FOXJ3: variants seen among roughly 807,000 people sequenced by gnomAD.
The protein encoded by FOXJ3 is forkhead box protein J3.
FOXJ3 carries 22 observed loss-of-function variants against 76.1 expected under a neutral mutation model. The ratio of observed to expected loss-of-function variants is 0.29; its 90% CI spans 0.21 to 0.41. FOXJ3 has a LOEUF of 0.41. FOXJ3 is among the 10% of genes least tolerant of loss of function. The pLI is 1.00. For missense variants in FOXJ3, 613 were observed against 762.1 expected (o/e 0.80, Z 2.30); for synonymous variants, 269 against 261.2 (o/e 1.03, Z -0.29).
intron 4 of FOXJ3, 135 bp downstream of exon 4, chr1:42,264,980 C>T (rs1651356112): frequency 7.0e-6 from 5 of 719,016 alleles, no homozygotes; most frequent in Admixed American, 4.4e-5. Context: ...AACTCTCTAA[C>T]AAGCTTTAGA....
chr1:42,219,511 A>C (rs1341295022), intron 5 of FOXJ3, among the ~76,000 whole-genome samples: 1 of 152,196 alleles, frequency 6.6e-6, no homozygotes, highest in Non-Finnish European at 1.5e-5. Flanking sequence ...ATTTCCCATA[A>C]ATCTTGTACC....
At chr1:42,231,193 G>A (rs1006564528) in intron 4 of FOXJ3, among the ~76,000 whole-genome samples, 1 of 151,940 alleles carries the variant, frequency 6.6e-6, no homozygotes, top group Non-Finnish European at 1.5e-5. Flanking sequence ...GGGCATGATG[G>A]CAGGTGCCTG....
At chr1:42,190,397 C>A (rs997415829) in intron 9 of FOXJ3, among the ~76,000 whole-genome samples, 3 of 152,144 alleles carry the variant, frequency 2.0e-5, no homozygotes, top group African/African-American at 4.8e-5. Context: ...AATAAACAAT[C>A]AACTAGAGAC....
At chr1:42,323,198 G>A (rs1413077219) in intron 1 of FOXJ3, among the ~76,000 whole-genome samples, 1 of 152,126 alleles carries the variant, frequency 6.6e-6, no homozygotes, top group African/African-American at 2.4e-5. Flanking sequence ...AGGATTTCAA[G>A]AGTTGTTAAT....
intron 1 of FOXJ3, among the ~76,000 whole-genome samples, chr1:42,318,822 T>TA (rs1381343700): frequency 6.6e-6 from 1 of 152,200 alleles, no homozygotes; most frequent in Non-Finnish European, 1.5e-5. Flanking sequence ...ATCAAAAAGT[T>TA]AGACATAAGA....
Position 42,316,333 on chromosome 1 carries a change from C to CTTTTTTT in FOXJ3, c.-17-5230_-17-5224dup, listed in dbSNP as rs71065173. Among the ~76,000 whole-genome samples the CTTTTTTT allele has an allele frequency of 2.2e-4, 16 of 73,914 alleles. 1 individual carries two copies. The highest frequency in any genetic ancestry group is 4.8e-4 in the South Asian group (1 of 2,074). 48.5% of individuals were successfully genotyped at this position (73,914 alleles called of 152,430 possible). On this transcript the variant is annotated intron_variant, in intron 1 of 12. Coordinates refer to ENST00000361346, the MANE Select transcript of FOXJ3 (RefSeq NM_014947.5). ...ACAGGTGCACACCACTGCATTGGGC[C>CTTTTTTT]TTTTTTTTTTTTTTTTCTGTAGAAA...
chr1:42,221,007 T>C (rs933547603), intron 5 of FOXJ3, among the ~76,000 whole-genome samples: 2 of 152,188 alleles, frequency 1.3e-5, no homozygotes, highest in Non-Finnish European at 2.9e-5. Context: ...TAAACATACA[T>C]GTTAACATAA....
At chr1:42,183,303 C>A (rs185810872) in intron 11 of FOXJ3, among the ~76,000 whole-genome samples, 4 of 10,434 alleles carry the variant, frequency 3.8e-4, no homozygotes, top group Non-Finnish European at 7.5e-4. Flanking sequence ...GGGGGCGGGG[C>A]GGGGTGGGGG....
At position 42,254,986 on chromosome 1, in the gene FOXJ3, GA is replaced by G. The variant is rs971386898; in HGVS notation, c.444+10128del. Among the ~76,000 whole-genome samples the G allele has an allele frequency of 4.4e-4, 62 of 140,410 alleles. No homozygotes were observed. The South Asian group carries it at 6.7e-3, about 15-fold the overall frequency. The allele number at this position is 140,410 out of a possible 152,430, so 92.1% of individuals were successfully genotyped here. A position where few individuals can be genotyped will look rare whatever the true frequency, so the allele number is the denominator to read the frequency against. ...TAATAATAATTTTAAAAAAAGAAAA[GA>G]AAAAAAAAAGGATACCAGATGGAAA... is the stretch of plus-strand genomic sequence containing the variant. On this transcript the variant is annotated intron_variant, in intron 4 of 12. Transcript: ENST00000361346.
intron 1 of FOXJ3, among the ~76,000 whole-genome samples, chr1:42,326,403 C>T (rs954878187): frequency 2.0e-5 from 3 of 152,088 alleles, no homozygotes; most frequent in African/African-American, 7.2e-5. Context: ...ATTTAAATTA[C>T]CCATTATGAT....
intron 2 of FOXJ3, among the ~76,000 whole-genome samples, chr1:42,309,594 T>G (rs1315774452): frequency 1.3e-5 from 2 of 152,210 alleles, no homozygotes; most frequent in Non-Finnish European, 1.5e-5. Flanking sequence ...AATTCCATGA[T>G]TACAGGATTT....
Position 42,286,531 on chromosome 1 carries a change from T to C in FOXJ3, c.45-7859A>G, listed in dbSNP as rs139171494. On this transcript the variant is annotated intron_variant, in intron 2 of 12. Transcript: ENST00000361346. ...AAGGACTGTTGTAAGATTAAATGAGTTAATACATATAAAGCACTGAGAACA... is the reference window on the plus strand; with the variant it reads ...AAGGACTGTTGTAAGATTAAATGAGCTAATACATATAAAGCACTGAGAACA... Among the ~76,000 whole-genome samples the C allele has an allele frequency of 2.8e-3, 421 of 152,262 alleles. 2 individuals carry two copies. The highest frequency in any genetic ancestry group is 9.8e-3 in the African/African-American group (409 of 41,544).
chr1:42,288,088 A>G (rs1012757836), intron 2 of FOXJ3, among the ~76,000 whole-genome samples: 1 of 152,222 alleles, frequency 6.6e-6, no homozygotes, highest in African/African-American at 2.4e-5. Flanking sequence ...TTAGGGGAGG[A>G]AAAAATAAAG....
chr1:42,227,115 TG>T (rs375389712), intron 5 of FOXJ3, among the ~76,000 whole-genome samples: 3 of 152,336 alleles, frequency 2.0e-5, no homozygotes, highest in African/African-American at 4.8e-5. Flanking sequence ...TTCTACAAAG[TG>T]TAAGAAATTC....
intron 5 of FOXJ3, among the ~76,000 whole-genome samples, chr1:42,206,742 C>T (rs79700555): frequency 0.039 from 5,916 of 152,202 alleles, 146 homozygotes; most frequent in South Asian, 0.092. Flanking sequence ...AAATTATTCT[C>T]TTCTAAGCTA....
At chr1:42,264,916 C>A in intron 4 of FOXJ3, 199 bp downstream of exon 4, 1 of 528,084 alleles carries the variant, frequency 1.9e-6, no homozygotes, top group South Asian at 2.4e-5. Context: ...CAGCAAAGTA[C>A]AACAGCACTG....
chr1:42,212,607 C>T (rs1455253170), intron 5 of FOXJ3, among the ~76,000 whole-genome samples: 1 of 152,034 alleles, frequency 6.6e-6, no homozygotes, highest in African/African-American at 2.4e-5. Flanking sequence ...ACCTAAGAAT[C>T]ATAGGTGTTC....
At chr1:42,323,309 T>C (rs1655541963) in intron 1 of FOXJ3, among the ~76,000 whole-genome samples, 1 of 152,260 alleles carries the variant, frequency 6.6e-6, no homozygotes, top group East Asian at 1.9e-4. Flanking sequence ...TCCAAGAAAA[T>C]GATGATCGGT....
intron 4 of FOXJ3, 59 bp from the exon 5 acceptor site, chr1:42,228,025 G>C (rs1219721274): frequency 2.4e-6 from 2 of 845,694 alleles, no homozygotes; most frequent in African/African-American, 1.7e-5. Context: ...TATTAAAATG[G>C]ATTTTTATAA....
Sources: gnomAD v4.1 joint callset for allele counts (sites outside exome capture counted in the v4.1 genomes callset) on GRCh38, gnomAD v4.1.1 for gene constraint, MANE v1.5 for transcripts, NCBI Gene and HGNC (gene_info 2026-07-23, HGNC 2026-07-21) for gene names.